The following KCNIP4 variants were observed in gnomAD, a reference collection of about 807,000 sequenced individuals.
KCNIP4 encodes potassium voltage-gated channel interacting protein 4, also known as Kv channel-interacting protein 4.
A neutral mutation model predicts 34.0 loss-of-function variants in KCNIP4; 12 were observed. That is an observed-to-expected ratio of 0.35 (90% CI 0.23 to 0.57). The LOEUF is 0.57. KCNIP4 is among the 20% of genes least tolerant of loss of function. KCNIP4 has a pLI of 0.83. For synonymous variants in KCNIP4, 124 were observed against 102.2 expected, an observed-to-expected ratio of 1.21 and a Z score of -1.29; for missense variants, 238 against 311.7, an observed-to-expected ratio of 0.76 and a Z score of 1.78.
intron 1 of KCNIP4, among the ~76,000 whole-genome samples, chr4:21,729,471 C>A (rs1715431708): frequency 6.6e-6 from 1 of 152,130 alleles, no homozygotes; most frequent in Non-Finnish European, 1.5e-5. Context: ...AGCTAAGATG[C>A]AAGACTTCTG....
At chr4:21,347,499 T>A (rs900728198) in intron 1 of KCNIP4, among the ~76,000 whole-genome samples, 4 of 152,178 alleles carry the variant, frequency 2.6e-5, no homozygotes, top group Non-Finnish European at 5.9e-5. Flanking sequence ...CAGGGAAGTC[T>A]GAGAAATGTA....
At chr4:20,803,565 G>A (rs1180860047) in intron 3 of KCNIP4, among the ~76,000 whole-genome samples, 1 of 151,262 alleles carries the variant, frequency 6.6e-6, no homozygotes, top group Non-Finnish European at 1.5e-5. Flanking sequence ...ATTGAGGTTG[G>A]GAGGATCACT....
intron 1 of KCNIP4, among the ~76,000 whole-genome samples, chr4:21,699,058 T>C (rs1344512457): frequency 6.6e-6 from 1 of 152,230 alleles, no homozygotes; most frequent in Non-Finnish European, 1.5e-5. Context: ...CTGAAGTTCT[T>C]TCTCCTACAC....
chr4:21,946,021 C>T (rs969481126), intron 1 of KCNIP4, among the ~76,000 whole-genome samples: 77 of 148,010 alleles, frequency 5.2e-4, no homozygotes, highest in Admixed American at 8.3e-4. Context: ...ATACTAGATG[C>T]GTTTACTTGT....
At chr4:21,530,156 A>G (rs1216927518) in intron 1 of KCNIP4, among the ~76,000 whole-genome samples, 1 of 152,136 alleles carries the variant, frequency 6.6e-6, no homozygotes, top group East Asian at 1.9e-4. Context: ...CTTAACCTCA[A>G]TTTGTATGAA....
intron 1 of KCNIP4, among the ~76,000 whole-genome samples, chr4:21,187,665 T>C (rs888297674): frequency 6.6e-6 from 1 of 152,138 alleles, no homozygotes; most frequent in Non-Finnish European, 1.5e-5. Context: ...CCTATGGTTT[T>C]AGGGCATTTA....
intron 2 of KCNIP4, among the ~76,000 whole-genome samples, chr4:20,852,116 C>T (rs1462777479): frequency 6.6e-6 from 1 of 152,046 alleles, no homozygotes; most frequent in African/African-American, 2.4e-5. Context: ...AGGAAACCTC[C>T]CTAATTCATT....
At chr4:21,531,106 A>G (rs928751451) in intron 1 of KCNIP4, among the ~76,000 whole-genome samples, 1 of 152,146 alleles carries the variant, frequency 6.6e-6, no homozygotes, top group African/African-American at 2.4e-5. Context: ...GCAGAAGGAA[A>G]AGCCTGGCTA....
intron 1 of KCNIP4, among the ~76,000 whole-genome samples, chr4:21,182,418 C>CCT (rs774404023): frequency 6.6e-6 from 1 of 151,692 alleles, no homozygotes; most frequent in Non-Finnish European, 1.5e-5. Context: ...CTTTTCCCTC[C>CCT]CCCTGTCCTT....
chr4:21,088,572 G>A (rs111440009), intron 1 of KCNIP4, among the ~76,000 whole-genome samples: 3,641 of 152,102 alleles, frequency 0.024, 77 homozygotes, highest in Non-Finnish European at 0.034. Context: ...TGGGCCCTGC[G>A]TGTCTCCTCA....
chr4:20,771,948 G>C (rs1176670954), intron 3 of KCNIP4, among the ~76,000 whole-genome samples: 1 of 152,192 alleles, frequency 6.6e-6, no homozygotes, highest in Non-Finnish European at 1.5e-5. Context: ...GGGATTACAG[G>C]TGTGAGCCAC....
At chr4:20,962,998 T>G (rs1733994030) in intron 1 of KCNIP4, among the ~76,000 whole-genome samples, 1 of 152,156 alleles carries the variant, frequency 6.6e-6, no homozygotes, top group Non-Finnish European at 1.5e-5. Context: ...ATTTTTTCTC[T>G]TAAGTTGCAC....
At chr4:21,057,244 A>G (rs1310661648) in intron 1 of KCNIP4, among the ~76,000 whole-genome samples, 1 of 152,208 alleles carries the variant, frequency 6.6e-6, no homozygotes, top group African/African-American at 2.4e-5. Flanking sequence ...TGATTTACAA[A>G]CAAGGAAGAA....
chr4:21,202,520 A>T (rs1338436675), intron 1 of KCNIP4, among the ~76,000 whole-genome samples: 2 of 152,144 alleles, frequency 1.3e-5, no homozygotes, highest in Admixed American at 1.3e-4. Context: ...GGTACTCCAA[A>T]CCTCATCACC....
intron 1 of KCNIP4, among the ~76,000 whole-genome samples, chr4:21,070,833 G>A (rs1172317651): frequency 6.6e-6 from 1 of 151,424 alleles, no homozygotes; most frequent in Admixed American, 6.6e-5. Context: ...CGGCTACCAT[G>A]CACGGCTAAT....
intron 1 of KCNIP4, among the ~76,000 whole-genome samples, chr4:21,859,816 C>T (rs912725192): frequency 6.6e-6 from 1 of 151,994 alleles, no homozygotes; most frequent in African/African-American, 2.4e-5. Flanking sequence ...ATCGCTTGAG[C>T]CCGGGAGTTG....
chr4:20,846,353 A>G (rs1001909484), intron 3 of KCNIP4, among the ~76,000 whole-genome samples: 2 of 152,208 alleles, frequency 1.3e-5, no homozygotes, highest in Admixed American at 6.5e-5. Context: ...CATTGGCATC[A>G]CTATATTAAA....
chr4:21,946,019 T>A (rs1024699027), intron 1 of KCNIP4, among the ~76,000 whole-genome samples: 2 of 148,100 alleles, frequency 1.4e-5, no homozygotes. Flanking sequence ...GCATACTAGA[T>A]GCGTTTACTT....
rs140504562 is a variant in KCNIP4 at position 21,688,850 on chromosome 4, C to T, written c.61+259721G>A. ...CTGCTTCCTTGCCTTTCCTGCTTGG[C>T]TCCCCTCTCATAAGCCTCTTTCTTT... On this transcript the variant is annotated intron_variant, in intron 1 of 8. Transcript: ENST00000382152. Among the ~76,000 whole-genome samples, 311 of 151,992 alleles carry T rather than the reference C, an allele frequency of 2.0e-3. 1 individual carries two copies. The highest frequency in any genetic ancestry group is 5.5e-3 in the African/African-American group (229 of 41,508).
Sources: gnomAD v4.1 joint callset for allele counts (sites outside exome capture counted in the v4.1 genomes callset) on GRCh38, gnomAD v4.1.1 for gene constraint, MANE v1.5 for transcripts, NCBI Gene and HGNC (gene_info 2026-07-23, HGNC 2026-07-21) for gene names.